LRP1: variants seen among roughly 807,000 people sequenced by gnomAD.
The protein encoded by LRP1 is prolow-density lipoprotein receptor-related protein 1.
A neutral mutation model predicts 541.5 loss-of-function variants in LRP1; 51 were observed. The ratio of observed to expected loss-of-function variants is 0.09; its 90% CI spans 0.08 to 0.12. The LOEUF (loss-of-function observed/expected upper bound fraction) is 0.12, where lower values mean the gene tolerates loss of function less well. LRP1 is among the 10% of genes least tolerant of loss of function. LRP1 has a pLI of 1.00. For synonymous variants in LRP1, 2,219 were observed against 2,470.8 expected, an observed-to-expected ratio of 0.90 and a Z score of 3.02; for missense variants, 3,878 against 6,376.2, an observed-to-expected ratio of 0.61 and a Z score of 13.34.
At chr12:57,169,603 A>G (rs750900593) in intron 20 of LRP1, among the ~76,000 whole-genome samples, 3 of 152,198 alleles carry the variant, frequency 2.0e-5, no homozygotes, top group Non-Finnish European at 4.4e-5. Context: ...CTTAATCTCC[A>G]TGGGCCTCTG....
rs1008220191 is a variant in LRP1, at chr12:57,205,715, G to A, written c.11590+38G>A. 9.4e-6 allele frequency: 15 copies of A among 1,600,992 alleles called. No homozygotes were observed. The Admixed American group carries it at 1.0e-4, about 11-fold the overall frequency. Reference sequence around the variant, plus strand: ...CCAGAGGGCAGAAAGGCTGGGTGGGGCAGGGCGACCAGGATATCAAACGGG... The same window carrying A: ...CCAGAGGGCAGAAAGGCTGGGTGGGACAGGGCGACCAGGATATCAAACGGG... On this transcript the variant is annotated intron_variant, in intron 75 of 88. Transcript: ENST00000243077. This position sits in a 1 kb window ranked among gnomAD's most constrained non-coding sequence, Gnocchi z 4.6.
Position 57,185,059 on chromosome 12 carries a change from T to G in LRP1, c.6339-22T>G. The G allele has an allele frequency of 6.2e-7, 1 of 1,614,154 alleles. No homozygotes were observed. The highest frequency in any genetic ancestry group is 2.2e-5 in the East Asian group (1 of 44,874). ...CCTCCTGCCTCCACTGATGCCCTGC[T>G]TGTGCCCTGTCCTTCCCTCAGGACT... On this transcript the variant is annotated intron_variant, in intron 39 of 88. Coordinates refer to ENST00000243077, the MANE Select transcript of LRP1 (RefSeq NM_002332.3). This position sits in a 1 kb window ranked among gnomAD's most constrained non-coding sequence, Gnocchi z 4.9.
At chr12:57,180,219 C>A in intron 31 of LRP1, 78 bp downstream of exon 31, 1 of 1,568,268 alleles carries the variant, frequency 6.4e-7, no homozygotes, top group Non-Finnish European at 8.8e-7. Context: ...CCTTCAGTTG[C>A]CCCTCAGCCT....
intron 3 of LRP1, 98 bp downstream of exon 3, chr12:57,141,609 C>A: frequency 6.9e-7 from 1 of 1,448,932 alleles, no homozygotes; most frequent in Non-Finnish European, 9.5e-7. Flanking sequence ...GGGATGAGGC[C>A]TTGTCCTGGT....
chr12:57,160,099 A>T, intron 12 of LRP1, 94 bp downstream of exon 12: 1 of 1,308,894 alleles, frequency 7.6e-7, no homozygotes, highest in South Asian at 1.3e-5. Flanking sequence ...AGGGGAAGGC[A>T]GGTGAGGCGG....
chr12:57,208,285 T>A, intron 77 of LRP1, 69 bp downstream of exon 77: 1 of 1,495,440 alleles, frequency 6.7e-7, no homozygotes. Context: ...GGTTGGGGGC[T>A]GCACCCACAT....
chr12:57,191,526 C>T lies in LRP1; in HGVS notation c.7429+14C>T, dbSNP rs1350201495. On this transcript the variant is annotated intron_variant, in intron 44 of 88. Coordinates refer to ENST00000243077, the MANE Select transcript of LRP1 (RefSeq NM_002332.3). ...ACACCAACAGCTGTGAGTGGGGCTG[C>T]CGCCAGCTGCCTCACCCTCCTGCCT... 1.9e-6 allele frequency: 3 copies of T among 1,569,406 alleles called. No homozygotes were observed. Among genetic ancestry groups the T allele is most frequent in the Non-Finnish European group, 1.7e-6 (2 of 1,154,472 alleles).
intron 24 of LRP1, among the ~76,000 whole-genome samples, chr12:57,176,415 G>T (rs2036048174): frequency 6.6e-6 from 1 of 152,178 alleles, no homozygotes. Flanking sequence ...GTACCTGAAC[G>T]CTGCTTTCTG....
At position 57,195,003 on chromosome 12, in the gene LRP1, C is replaced by T; in HGVS notation, c.8210C>T (p.Ala2737Val). 1.2e-6 allele frequency: 2 copies of T among 1,613,970 alleles called. No individual in the cohort carries two copies. Among genetic ancestry groups the T allele is most frequent in the Non-Finnish European group, 1.7e-6 (2 of 1,179,898 alleles). The change falls in exon 51 of 89, where the codon GCC becomes GTC. Residue 2737 changes from alanine to valine, a missense_variant. Ala to Val is a moderately conservative substitution (Grantham distance 64). Coordinates refer to ENST00000243077, the MANE Select transcript of LRP1 (RefSeq NM_002332.3). ...ETHCNKFCSE[A>V]QFECQNHRCI... Reference sequence around the variant, plus strand: ...GCCCCAGACAAGTTCTGCTCAGAGGCCCAGTTTGAGTGCCAGAACCATCGC... The same window carrying T: ...GCCCCAGACAAGTTCTGCTCAGAGGTCCAGTTTGAGTGCCAGAACCATCGC...
intron 76 of LRP1, 24 bp from the exon 77 acceptor site, chr12:57,208,014 C>G (rs1418230704): frequency 6.2e-7 from 1 of 1,611,542 alleles, no homozygotes; most frequent in Admixed American, 1.7e-5. Flanking sequence ...AGCAGTGGCC[C>G]CTGAACCTGT....
Position 57,190,996 on chromosome 12 carries a change from G to A in LRP1, c.7223G>A (p.Gly2408Asp). The change falls in exon 43 of 89, where the codon GGC becomes GAC. Residue 2408 changes from glycine to aspartate, a missense_variant. Transcript: ENST00000243077. ...AAGATCGAGCGGTGCGAGTATGACG[G>A]CTCCCACCGCTATGTGAGTCTGCGG... Reference protein sequence around the residue: ...LDKIERCEYDGSHRYVILKSE... With the variant: ...LDKIERCEYDDSHRYVILKSE... 1 of 1,610,658 alleles carries A rather than the reference G, an allele frequency of 6.2e-7. No homozygotes were observed.
At chr12:57,194,208 G>T in intron 48 of LRP1, 146 bp from the exon 49 acceptor site, 4 of 1,063,068 alleles carry the variant, frequency 3.8e-6, no homozygotes, top group Non-Finnish European at 5.3e-6. Context: ...AGAGGGGGCA[G>T]TGAGCAGATG....
At chr12:57,145,579 C>A in intron 6 of LRP1, 89 bp downstream of exon 6, 1 of 1,506,776 alleles carries the variant, frequency 6.6e-7, no homozygotes, top group Non-Finnish European at 9.0e-7. Flanking sequence ...CCGGGAGTTA[C>A]ACAGGATGGT....
At position 57,128,746 on chromosome 12, in the gene LRP1, C is replaced by T. The variant is rs1013191772; in HGVS notation, c.-219C>T. On this transcript the variant is annotated 5_prime_UTR_variant, in exon 1 of 89. Coordinates refer to ENST00000243077, the MANE Select transcript of LRP1 (RefSeq NM_002332.3). ...GGGGTGGGGTGAAGGGTTTGGATTT[C>T]GGGGCAGGGGGCGCACCCCCGTCAG... 2 of 440,852 alleles carry T rather than the reference C, an allele frequency of 4.5e-6. No individual in the cohort carries two copies. Among genetic ancestry groups the T allele is most frequent in the Non-Finnish European group, 8.1e-6 (2 of 245,488 alleles). The allele number at this position is 440,852 out of a possible 1,614,324, so 27.3% of individuals were successfully genotyped here.
rs1451457470 is a variant in LRP1, at chr12:57,185,038, C to A, written c.6339-43C>A. 1 of 1,613,962 alleles carries A rather than the reference C, an allele frequency of 6.2e-7. No individual in the cohort carries two copies. Among genetic ancestry groups the A allele is most frequent in the South Asian group, 1.1e-5 (1 of 91,068 alleles). On this transcript the variant is annotated intron_variant, in intron 39 of 88. Coordinates refer to ENST00000243077, the MANE Select transcript of LRP1 (RefSeq NM_002332.3). The surrounding 1 kb of genome is among the most constrained non-coding windows in gnomAD (Gnocchi z 4.9). ...CCTCAGCTGATCTCTTCCTTCCCTC[C>A]TGCCTCCACTGATGCCCTGCTTGTG... is the stretch of plus-strand genomic sequence containing the variant.
rs767610789 is a variant in LRP1 at position 57,184,316 on chromosome 12, C to T, written c.6060-10C>T. ...GAGGACTGACCCCCACTTCCACCCC[C>T]ACCCTACAGGTACTTGTTCTGGACT... is the stretch of plus-strand genomic sequence containing the variant. On this transcript the variant is annotated splice_polypyrimidine_tract_variant and intron_variant, in intron 37 of 88. Transcript: ENST00000243077. This position sits in a 1 kb window ranked among gnomAD's most constrained non-coding sequence, Gnocchi z 7.8. The T allele has an allele frequency of 4.3e-6, 7 of 1,614,120 alleles. No individual in the cohort carries two copies. The Admixed American group carries it at 1.0e-4, about 23-fold the overall frequency.
chr12:57,184,898 G>A lies in LRP1; in HGVS notation c.6246G>A (p.Glu2082=), dbSNP rs1272867584. The change falls in exon 39 of 89, where the codon GAG becomes GAA. Residue 2082 remains glutamate (E), a synonymous_variant. Coordinates refer to ENST00000243077, the MANE Select transcript of LRP1 (RefSeq NM_002332.3). This position sits in a 1 kb window ranked among gnomAD's most constrained non-coding sequence, Gnocchi z 7.8. ...ACAAGATTGAACGGATCGACCTGGA[G>A]ACAGGTGAGAACCGCGAGGTGGTTC... ...RTDKIERIDL[E]TGENREVVLS... is the part of the protein sequence containing the mutation. The A allele has an allele frequency of 1.2e-6, 2 of 1,614,212 alleles. No individual in the cohort carries two copies. Among genetic ancestry groups the A allele is most frequent in the African/African-American group, 1.3e-5 (1 of 75,054 alleles).
At chr12:57,139,766 A>T (rs889970427) in intron 2 of LRP1, among the ~76,000 whole-genome samples, 10 of 152,026 alleles carry the variant, frequency 6.6e-5, no homozygotes, top group Admixed American at 5.9e-4. Context: ...GCAGAAACAC[A>T]CTCTATACTC....
chr12:57,155,006 G>GA (rs576756879), intron 8 of LRP1: 1 of 577,510 alleles, frequency 1.7e-6, no homozygotes, highest in Non-Finnish European at 3.1e-6. Flanking sequence ...TTCAGCAGAT[G>GA]AAAAAGCAGG....
Sources: allele counts gnomAD v4.1 joint callset (sites outside exome capture counted in the v4.1 genomes callset), GRCh38; gene constraint gnomAD v4.1.1; non-coding constraint Gnocchi (gnomAD v3.1); transcripts MANE v1.5; gene names NCBI Gene and HGNC (gene_info 2026-07-23, HGNC 2026-07-21).